The following ARID4A variants were observed in gnomAD, a reference collection of about 807,000 sequenced individuals.
ARID4A encodes AT-rich interaction domain 4A.
In ARID4A, 39 loss-of-function variants were observed where a neutral mutation model predicts 148.6. That is an observed-to-expected ratio of 0.26 (90% CI 0.20 to 0.34). ARID4A has a LOEUF of 0.34. Among genes scored for constraint, ARID4A ranks in the 10% least tolerant of loss-of-function variants. The pLI is 1.00. For synonymous variants in ARID4A, 475 were observed against 481.2 expected (o/e 0.99, Z 0.17); for missense variants, 1,265 against 1,449.1 (o/e 0.87, Z 2.06).
At chr14:58,302,207 A>G (rs1413623578) in intron 3 of ARID4A, among the ~76,000 whole-genome samples, 1 of 151,826 alleles carries the variant, frequency 6.6e-6, no homozygotes. Flanking sequence ...AAATTGCAAA[A>G]ATTAGACCCG....
intron 5 of ARID4A, among the ~76,000 whole-genome samples, chr14:58,308,756 AT>A (rs2031797774): frequency 2.0e-5 from 3 of 152,040 alleles, no homozygotes; most frequent in African/African-American, 2.4e-5. Context: ...CTTTTCTGGA[AT>A]TTTTTTTGAT....
intron 17 of ARID4A, among the ~76,000 whole-genome samples, chr14:58,357,845 A>C (rs961167519): frequency 6.6e-6 from 1 of 152,132 alleles, no homozygotes; most frequent in East Asian, 1.9e-4. Flanking sequence ...TAGTTCTAGA[A>C]ACCTTAATTT....
intron 12 of ARID4A, 58 bp downstream of exon 12, chr14:58,344,825 G>A: frequency 8.1e-7 from 1 of 1,241,040 alleles, no homozygotes; most frequent in South Asian, 1.3e-5. Context: ...TACATTCTAG[G>A]TATATGCATT....
In ARID4A at chr14:58,372,144, T is replaced by C. The variant is rs2035641659; in HGVS notation, c.*155T>C. 2 of 538,736 alleles carry C rather than the reference T, an allele frequency of 3.7e-6. No homozygotes were observed. Among genetic ancestry groups the C allele is most frequent in the African/African-American group, 1.9e-5 (1 of 52,066 alleles). The allele number at this position is 538,736 out of a possible 1,614,324, so 33.4% of individuals were successfully genotyped here. ...GGATTGTATCTATTCCCCTCTCTCTTCTTTTTTCTTGTTGCAAAAAATAAG... is the reference window on the plus strand; with the variant it reads ...GGATTGTATCTATTCCCCTCTCTCTCCTTTTTTCTTGTTGCAAAAAATAAG... On this transcript the variant is annotated 3_prime_UTR_variant, in exon 24 of 24. Coordinates refer to ENST00000355431, the MANE Select transcript of ARID4A (RefSeq NM_002892.4).
At chr14:58,334,929 C>G (rs2033730389) in intron 11 of ARID4A, among the ~76,000 whole-genome samples, 1 of 152,176 alleles carries the variant, frequency 6.6e-6, no homozygotes, top group African/African-American at 2.4e-5. Context: ...GCTTTCCTCT[C>G]CAGATAACTA....
intron 5 of ARID4A, among the ~76,000 whole-genome samples, chr14:58,308,521 T>G (rs1043465388): frequency 3.9e-5 from 6 of 152,268 alleles, no homozygotes; most frequent in African/African-American, 1.4e-4. Flanking sequence ...AAAAAGATTT[T>G]GAAAGGCACT....
At chr14:58,314,268 C>A (rs181248059) in intron 5 of ARID4A, among the ~76,000 whole-genome samples, 1 of 152,088 alleles carries the variant, frequency 6.6e-6, no homozygotes, top group African/African-American at 2.4e-5. Context: ...TTCACTCTTA[C>A]AAAAATTATA....
chr14:58,309,288 T>A (rs2031841084), intron 5 of ARID4A, among the ~76,000 whole-genome samples: 1 of 152,198 alleles, frequency 6.6e-6, no homozygotes, highest in Non-Finnish European at 1.5e-5. Flanking sequence ...GCTTCCCCTT[T>A]AATGTTGAAT....
intron 1 of ARID4A, chr14:58,299,493 C>T (rs2030928734): frequency 1.2e-5 from 3 of 241,008 alleles, no homozygotes; most frequent in Admixed American, 5.2e-5. Flanking sequence ...GAAGGGAGCT[C>T]TGGCCTTTTC....
chr14:58,360,052 C>G (rs966679195), intron 18 of ARID4A, among the ~76,000 whole-genome samples: 2 of 139,356 alleles, frequency 1.4e-5, no homozygotes, highest in Non-Finnish European at 3.1e-5. Flanking sequence ...GGCGACAGAG[C>G]AAGACTCCGT....
In ARID4A at chr14:58,348,686, C is replaced by A. The variant is rs751972782; in HGVS notation, c.1404+808C>A. Among the ~76,000 whole-genome samples the A allele has an allele frequency of 2.0e-4, 31 of 152,182 alleles. No individual in the cohort carries two copies. In the Middle Eastern group the frequency reaches 0.01, roughly 50 times the overall value. On this transcript the variant is annotated intron_variant, in intron 15 of 23. Transcript: ENST00000355431. The stretch of plus-strand genomic sequence containing the variant: ...TATCAAAGAAGTTTAATTACTATGT[C>A]TTATTTTTTGGTGGAATCATATTTA...
chr14:58,366,327 T>C, intron 22 of ARID4A, 97 bp downstream of exon 22: 1 of 971,088 alleles, frequency 1.0e-6, no homozygotes. Context: ...TAAGGAATAA[T>C]GATTAACTAT....
intron 11 of ARID4A, chr14:58,331,247 G>A (rs902280077): frequency 2.6e-5 from 4 of 152,268 alleles, no homozygotes; most frequent in East Asian, 1.9e-4. Context: ...GAGCATGCTC[G>A]GAAAGACAGG....
At position 58,347,897 on chromosome 14, in the gene ARID4A, T is replaced by C. The variant is rs1297509057; in HGVS notation, c.1404+19T>C. 1 of 1,533,862 alleles carries C rather than the reference T, an allele frequency of 6.5e-7. No individual in the cohort carries two copies. The highest frequency in any genetic ancestry group is 1.2e-5 in the South Asian group (1 of 85,278). On this transcript the variant is annotated intron_variant, in intron 15 of 23. Transcript: ENST00000355431. ...TCCGAGGGTGAGTTCTTAATACTAG[T>C]TTTATCTGGTTTAAGTATTATTTAA...
intron 7 of ARID4A, among the ~76,000 whole-genome samples, chr14:58,320,770 G>T (rs1304613299): frequency 6.6e-6 from 1 of 151,964 alleles, no homozygotes; most frequent in East Asian, 1.9e-4. Flanking sequence ...ACGACGCCTG[G>T]CTAATTTTTT....
At chr14:58,319,953 T>C (rs34203432) in intron 7 of ARID4A, among the ~76,000 whole-genome samples, 24,934 of 145,484 alleles carry the variant, frequency 0.17, 2,441 homozygotes, top group African/African-American at 0.27. Context: ...CTTTTCTTTT[T>C]TTTTTTTTTT....
At chr14:58,301,824 C>T (rs2031194200) in intron 3 of ARID4A, 134 bp downstream of exon 3, 1 of 511,408 alleles carries the variant, frequency 2.0e-6, no homozygotes, top group African/African-American at 2.0e-5. Context: ...AGGAAAAGCA[C>T]ATCAAAAATA....
intron 3 of ARID4A, among the ~76,000 whole-genome samples, chr14:58,302,292 G>A (rs1036429548): frequency 6.6e-6 from 1 of 152,136 alleles, no homozygotes; most frequent in Admixed American, 6.5e-5. Context: ...TCAGGAGTTC[G>A]AGACCAGCCT....
At chr14:58,334,991 C>G (rs778943466) in intron 11 of ARID4A, among the ~76,000 whole-genome samples, 1 of 152,172 alleles carries the variant, frequency 6.6e-6, no homozygotes, top group Non-Finnish European at 1.5e-5. Context: ...ATACACTGTT[C>G]ATGACCTCCC....
Sources: allele counts gnomAD v4.1 joint callset (sites outside exome capture counted in the v4.1 genomes callset), GRCh38; gene constraint gnomAD v4.1.1; transcripts MANE v1.5; gene names NCBI Gene and HGNC (gene_info 2026-07-23, HGNC 2026-07-21).